The following PCDHGA4 variants were observed in gnomAD, a reference collection of about 807,000 sequenced individuals.
The protein encoded by PCDHGA4 is protocadherin gamma subfamily A, 4.
PCDHGA4 carries 38 observed loss-of-function variants against 54.6 expected under a neutral mutation model. The ratio of observed to expected loss-of-function variants is 0.70; its 90% CI spans 0.54 to 0.91. PCDHGA4 has a LOEUF of 0.91. Among genes scored for constraint, PCDHGA4 ranks in the 40% least tolerant of loss-of-function variants. PCDHGA4 has a pLI of 0.00. For synonymous variants in PCDHGA4, 511 were observed against 512.9 expected (o/e 1.00, Z 0.05); for missense variants, 1,298 against 1,220.9 (o/e 1.06, Z -0.94).
Position 141,384,834 on chromosome 5 carries a change from C to T in PCDHGA4, c.2514+27213C>T, listed in dbSNP as rs369584315. 6.0e-5 allele frequency: 97 copies of T among 1,613,478 alleles called. No individual in the cohort carries two copies. The African/African-American group carries it at 1.2e-3, about 19-fold the overall frequency. On this transcript the variant is annotated intron_variant, in intron 1 of 3. Coordinates refer to ENST00000571252, the MANE Select transcript of PCDHGA4 (RefSeq NM_018917.4). The stretch of plus-strand genomic sequence containing the variant: ...CCCTCAAGCAGAGCCTCGTGGTGGC[C>T]GTCCAGGACCACGGTCAGCCTCCTC...
Position 141,355,735 on chromosome 5 carries a change from T to C in PCDHGA4, c.628T>C (p.Ser210Pro). The C allele has an allele frequency of 6.2e-7, 1 of 1,613,956 alleles. No homozygotes were observed. Among genetic ancestry groups the C allele is most frequent in the African/African-American group, 1.3e-5 (1 of 75,044 alleles). The part of the protein sequence containing the change: ...GYQLNSNGYF[S>P]LDVQSGADGI... ...CCAGCTCAACTCAAACGGTTACTTT[T>C]CCCTGGACGTGCAAAGTGGGGCCGA... is the stretch of plus-strand genomic sequence containing the variant. The change falls in exon 1 of 4, where the codon TCC (serine) becomes CCC (proline). Residue 210 changes from serine to proline, a missense_variant. Transcript: ENST00000571252.
Position 141,490,983 on chromosome 5 carries a change from C to T in PCDHGA4, c.2515-3824C>T. ...ACTCAGCCCCCCAGCGTCTCCCTCG[C>T]TCTGCTCCTCCTGGCTCCTTGGTCA... On this transcript the variant is annotated intron_variant, in intron 1 of 3. Transcript: ENST00000571252. The surrounding 1 kb of genome is among the most constrained non-coding windows in gnomAD (Gnocchi z 5.4). 2 of 1,614,120 alleles carry T rather than the reference C, an allele frequency of 1.2e-6. No individual in the cohort carries two copies. Among genetic ancestry groups the T allele is most frequent in the South Asian group, 2.2e-5 (2 of 91,082 alleles).
At position 141,486,315 on chromosome 5, in the gene PCDHGA4, C is replaced by T. The variant is rs1432435944; in HGVS notation, c.2515-8492C>T. The T allele has an allele frequency of 6.2e-7, 1 of 1,614,066 alleles. No individual in the cohort carries two copies. Among genetic ancestry groups the T allele is most frequent in the East Asian group, 2.2e-5 (1 of 44,862 alleles). ...AGTGTGCAGGATCCAGACTCAGGGT[C>T]AAACGGAGATGTGAGCCTCCGCATT... On this transcript the variant is annotated intron_variant, in intron 1 of 3. Transcript: ENST00000571252. The surrounding 1 kb of genome is among the most constrained non-coding windows in gnomAD (Gnocchi z 5.0).
intron 1 of PCDHGA4, chr5:141,398,074 T>A: frequency 6.3e-7 from 1 of 1,590,802 alleles, no homozygotes; most frequent in Non-Finnish European, 8.6e-7. Context: ...ATACAGAGGT[T>A]ATTTGTAACC....
intron 1 of PCDHGA4, chr5:141,372,330 G>C (rs764870915): frequency 1.9e-5 from 31 of 1,613,614 alleles, no homozygotes; most frequent in Non-Finnish European, 2.5e-5. Flanking sequence ...GCTGGTCACT[G>C]TGCGTGATGG....
At chr5:141,381,826 C>CTTCTTTTTTTTTT (rs1777532522) in intron 1 of PCDHGA4, among the ~76,000 whole-genome samples, 2 of 74,284 alleles carry the variant, frequency 2.7e-5, no homozygotes, top group African/African-American at 1.2e-4. Context: ...CTTTCTTCTT[C>CTTCTTTTTTTTTT]TTTTTTTTTT....
chr5:141,398,938 G>T (rs201463346), intron 1 of PCDHGA4: 467 of 1,613,840 alleles, frequency 2.9e-4, no homozygotes, highest in Non-Finnish European at 3.7e-4. Context: ...TGACCAAGAC[G>T]AGGGCATCAA....
At position 141,357,066 on chromosome 5, in the gene PCDHGA4, C is replaced by A; in HGVS notation, c.1959C>A (p.His653Gln). Residue 653 changes from histidine (H) to glutamine (Q), a missense_variant, in exon 1 of 4, where the codon CAC (histidine) becomes CAA (glutamine). Transcript: ENST00000571252. ...CGGGACTATTTGCAGTGGGGCTGCA[C>A]ACAGGCGAGGTGCGCACCGCACGGG... The part of the protein sequence containing the change: ...SEPGLFAVGL[H>Q]TGEVRTARAL... 6.2e-7 allele frequency: 1 copy of A among 1,613,984 alleles called. No individual in the cohort carries two copies.
At chr5:141,388,250 G>A in intron 1 of PCDHGA4, 1 of 1,610,522 alleles carries the variant, frequency 6.2e-7, no homozygotes, top group Middle Eastern at 1.7e-4. Flanking sequence ...TGAATGTGGA[G>A]ATCGAGGACA....
chr5:141,418,419 A>G (rs1181055959), intron 1 of PCDHGA4: 1 of 1,613,900 alleles, frequency 6.2e-7, no homozygotes, highest in Non-Finnish European at 8.5e-7. Flanking sequence ...GACAATCCTG[A>G]TGGTGGCAAA....
At chr5:141,376,037 C>T (rs1436738898) in intron 1 of PCDHGA4, 1 of 1,613,104 alleles carries the variant, frequency 6.2e-7, no homozygotes, top group African/African-American at 1.3e-5. Flanking sequence ...CCACGGCCAG[C>T]CCCCTCTCTC....
At chr5:141,366,741 G>T in intron 1 of PCDHGA4, 1 of 1,611,828 alleles carries the variant, frequency 6.2e-7, no homozygotes, top group South Asian at 1.1e-5. Context: ...AAAGAAGAAC[G>T]GCGAGTTCAG....
At position 141,432,880 on chromosome 5, in the gene PCDHGA4, C is replaced by A. The variant is rs865848752; in HGVS notation, c.2515-61927C>A. 3 of 1,614,194 alleles carry A rather than the reference C, an allele frequency of 1.9e-6. No homozygotes were observed. The highest frequency in any genetic ancestry group is 2.5e-6 in the Non-Finnish European group (3 of 1,180,008). ...CGGTCTCCTGCGTCTTCCTGGCCTT[C>A]GTCATCTTGCTGCTGGCGCTCAGGC... On this transcript the variant is annotated intron_variant, in intron 1 of 3. Coordinates refer to ENST00000571252, the MANE Select transcript of PCDHGA4 (RefSeq NM_018917.4). The surrounding 1 kb of genome is among the most constrained non-coding windows in gnomAD (Gnocchi z 6.0).
At chr5:141,358,418 G>C (rs1391552401) in intron 1 of PCDHGA4, among the ~76,000 whole-genome samples, 1 of 152,090 alleles carries the variant, frequency 6.6e-6, no homozygotes, top group African/African-American at 2.4e-5. Context: ...CCTTGAAAGG[G>C]TATTTTCCAT....
rs1031624761 is a variant in PCDHGA4 at position 141,433,138 on chromosome 5, G to A, written c.2515-61669G>A. The A allele has an allele frequency of 2.5e-6, 4 of 1,614,038 alleles. No individual in the cohort carries two copies. In the Admixed American group the frequency reaches 6.7e-5, roughly 27 times the overall value. On this transcript the variant is annotated intron_variant, in intron 1 of 3. Coordinates refer to ENST00000571252, the MANE Select transcript of PCDHGA4 (RefSeq NM_018917.4). ...TTGAAAAAAGCGAGCCCCTTTTGCT[G>A]TCAGGTGATTCGGTATTTTCTAAAG...
At position 141,431,965 on chromosome 5, in the gene PCDHGA4, T is replaced by G. The variant is rs765281339; in HGVS notation, c.2515-62842T>G. ...TAGAAAAATCTTACGGAAATTACTATAGTTTAGTCACAGACATAGTCTTGG... is the reference window on the plus strand; with the variant it reads ...TAGAAAAATCTTACGGAAATTACTAGAGTTTAGTCACAGACATAGTCTTGG... On this transcript the variant is annotated intron_variant, in intron 1 of 3. Coordinates refer to ENST00000571252, the MANE Select transcript of PCDHGA4 (RefSeq NM_018917.4). This position sits in a 1 kb window ranked among gnomAD's most constrained non-coding sequence, Gnocchi z 4.8. The G allele has an allele frequency of 1.2e-6, 2 of 1,614,216 alleles. No individual in the cohort carries two copies. Among genetic ancestry groups the G allele is most frequent in the East Asian group, 4.5e-5 (2 of 44,892 alleles).
rs1356654620 is a variant in PCDHGA4 at position 141,490,430 on chromosome 5, TTAA to T, written c.2515-4376_2515-4374del. On this transcript the variant is annotated intron_variant, in intron 1 of 3. Coordinates refer to ENST00000571252, the MANE Select transcript of PCDHGA4 (RefSeq NM_018917.4). The surrounding 1 kb of genome is among the most constrained non-coding windows in gnomAD (Gnocchi z 5.4). ...ATCTCTCCGGACCTGCCATTTCAGA[TTAA>T]GCCTTCTGAGAACCACTACTCGCTG... 1 of 1,614,162 alleles carries T rather than the reference TTAA, an allele frequency of 6.2e-7. No individual in the cohort carries two copies.
chr5:141,408,021 A>C (rs2095027284), intron 1 of PCDHGA4: 1 of 1,036,444 alleles, frequency 9.6e-7, no homozygotes, highest in Non-Finnish European at 1.3e-6. Context: ...AGCCAACAAC[A>C]GAAAGAAGAA....
intron 1 of PCDHGA4, chr5:141,374,470 T>C (rs1171171112): frequency 6.2e-7 from 1 of 1,612,516 alleles, no homozygotes; most frequent in Admixed American, 1.7e-5. Context: ...TTAATGACAA[T>C]ACACCCCGAT....
Sources: allele counts gnomAD v4.1 joint callset (sites outside exome capture counted in the v4.1 genomes callset), GRCh38; gene constraint gnomAD v4.1.1; non-coding constraint Gnocchi (gnomAD v3.1); transcripts MANE v1.5; gene names NCBI Gene and HGNC (gene_info 2026-07-23, HGNC 2026-07-21).